The following DMXL2 variants were observed in gnomAD, a reference collection of about 807,000 sequenced individuals.
DMXL2 encodes dmX-like protein 2.
Under a neutral mutation model 331.1 loss-of-function variants are expected in DMXL2, and 103 were observed. The observed-to-expected ratio is 0.31, with a 90% CI of 0.27 to 0.37. DMXL2 has a LOEUF of 0.37. DMXL2 is among the 10% of genes least tolerant of loss of function. The probability of loss-of-function intolerance (pLI) is 1.00; values close to 1 mark genes in which losing one functional copy is unlikely to be tolerated. For synonymous variants in DMXL2, 1,281 were observed against 1,252.1 expected, an observed-to-expected ratio of 1.02 and a Z score of -0.49; for missense variants, 3,171 against 3,642.9, an observed-to-expected ratio of 0.87 and a Z score of 3.33.
intron 28 of DMXL2, among the ~76,000 whole-genome samples, chr15:51,473,295 G>T (rs1008836421): frequency 6.6e-6 from 1 of 152,150 alleles, no homozygotes; most frequent in African/African-American, 2.4e-5. Flanking sequence ...CCTGATAGGT[G>T]TTAAGTGAAT....
At chr15:51,575,591 C>T (rs1338119756) in intron 2 of DMXL2, among the ~76,000 whole-genome samples, 1 of 152,136 alleles carries the variant, frequency 6.6e-6, no homozygotes, top group Admixed American at 6.6e-5. Flanking sequence ...TAAGACTCTT[C>T]ACTCAACAAA....
rs767996375 is a variant in DMXL2, at chr15:51,448,818, G to A, written c.*166C>T. The A allele has an allele frequency of 3.5e-5, 23 of 662,884 alleles. No homozygotes were observed. The highest frequency in any genetic ancestry group is 4.1e-4 in the Middle Eastern group (1 of 2,450). 41.1% of individuals were successfully genotyped at this position (662,884 alleles called of 1,614,324 possible). On this transcript the variant is annotated 3_prime_UTR_variant, in exon 44 of 44. Transcript: ENST00000560891. ...TATGTCAGCATAATAAGGTACATGC[G>A]CATTCATTCCACCAACCTGTTTAGA... is the stretch of plus-strand genomic sequence containing the variant.
At chr15:51,510,489 C>T (rs1408187503) in intron 15 of DMXL2, among the ~76,000 whole-genome samples, 1 of 151,512 alleles carries the variant, frequency 6.6e-6, no homozygotes, top group Non-Finnish European at 1.5e-5. Flanking sequence ...AGGAATACAA[C>T]TTACAAGACC....
At chr15:51,552,418 C>T (rs1596230774) in intron 6 of DMXL2, among the ~76,000 whole-genome samples, 1 of 152,164 alleles carries the variant, frequency 6.6e-6, no homozygotes, top group Admixed American at 6.5e-5. Context: ...ACTTCAAAAA[C>T]CTTAGCTGCT....
At chr15:51,471,103 G>T in intron 29 of DMXL2, 120 bp downstream of exon 29, 1 of 901,504 alleles carries the variant, frequency 1.1e-6, no homozygotes, top group Non-Finnish European at 1.6e-6. Flanking sequence ...TAAATTAAAC[G>T]TCTAAACTAT....
chr15:51,459,553 T>C lies in DMXL2; in HGVS notation c.7989+45A>G, dbSNP rs540711561. On this transcript the variant is annotated intron_variant, in intron 34 of 43. Transcript: ENST00000560891. Reference sequence around the variant, plus strand: ...GTATCAGAGATGAGGCGTTAGCTCCTTGAACTTTAAAGAATGAGCTAAATA... The same window carrying C: ...GTATCAGAGATGAGGCGTTAGCTCCCTGAACTTTAAAGAATGAGCTAAATA... The C allele has an allele frequency of 5.8e-4, 744 of 1,286,140 alleles. 2 individuals carry two copies. Among genetic ancestry groups the C allele is most frequent in the Non-Finnish European group, 6.8e-4 (667 of 985,498 alleles). 79.7% of individuals were successfully genotyped at this position (1,286,140 alleles called of 1,614,324 possible).
At chr15:51,466,806 T>C (rs1451774196) in intron 29 of DMXL2, among the ~76,000 whole-genome samples, 1 of 152,064 alleles carries the variant, frequency 6.6e-6, no homozygotes, top group Admixed American at 6.5e-5. Flanking sequence ...TGTGAATTTC[T>C]CTTCCTGTTT....
rs1347202036 is a variant in DMXL2 at position 51,448,116 on chromosome 15, T to A, written c.*868A>T. On this transcript the variant is annotated 3_prime_UTR_variant, in exon 44 of 44. Transcript: ENST00000560891. Reference sequence around the variant, plus strand: ...AAATAATGTCACCAATCTCATCAACTATTAACTGGCCACAAGAAGCCTAAC... The same window carrying A: ...AAATAATGTCACCAATCTCATCAACAATTAACTGGCCACAAGAAGCCTAAC... The A allele has an allele frequency of 6.5e-6, 1 of 152,676 alleles. No homozygotes were observed. The highest frequency in any genetic ancestry group is 1.5e-5 in the Non-Finnish European group (1 of 68,046). The allele number at this position is 152,676 out of a possible 1,614,324, so 9.5% of individuals were successfully genotyped here.
chr15:51,470,144 C>CT (rs377267607), intron 29 of DMXL2, among the ~76,000 whole-genome samples: 69 of 151,354 alleles, frequency 4.6e-4, no homozygotes, highest in South Asian at 1.1e-3. Context: ...TAACCAAAGT[C>CT]TTTTTTTTTG....
intron 1 of DMXL2, among the ~76,000 whole-genome samples, chr15:51,610,641 G>A (rs946732187): frequency 1.5e-4 from 23 of 152,086 alleles, no homozygotes; most frequent in Non-Finnish European, 2.5e-4. Context: ...GGTGGCCGGT[G>A]CCTGTAGTCC....
At chr15:51,599,395 T>C (rs1277303114) in intron 1 of DMXL2, among the ~76,000 whole-genome samples, 2 of 152,194 alleles carry the variant, frequency 1.3e-5, no homozygotes, top group Non-Finnish European at 2.9e-5. Flanking sequence ...GGAAAACAAA[T>C]GTGTGTGTAT....
chr15:51,483,436 G>A (rs1170372287), intron 23 of DMXL2, among the ~76,000 whole-genome samples: 1 of 152,168 alleles, frequency 6.6e-6, no homozygotes, highest in African/African-American at 2.4e-5. Flanking sequence ...CTTTGGTCCT[G>A]CATGGCAGGG....
chr15:51,597,414 G>A (rs2052903136), intron 1 of DMXL2, among the ~76,000 whole-genome samples: 1 of 152,140 alleles, frequency 6.6e-6, no homozygotes, highest in African/African-American at 2.4e-5. Context: ...TGAACTTTAT[G>A]TAAATGGAAT....
intron 1 of DMXL2, 152 bp from the exon 2 acceptor site, chr15:51,576,333 A>G: frequency 1.7e-6 from 1 of 589,194 alleles, no homozygotes; most frequent in Non-Finnish European, 2.7e-6. Context: ...CAATTTCTAA[A>G]TAAGAACATT....
At chr15:51,522,428 TG>T (rs1294497347) in intron 13 of DMXL2, among the ~76,000 whole-genome samples, 1 of 152,192 alleles carries the variant, frequency 6.6e-6, no homozygotes, top group African/African-American at 2.4e-5. Flanking sequence ...CTGGCTCACT[TG>T]AGGTCAGCAG....
intron 1 of DMXL2, among the ~76,000 whole-genome samples, chr15:51,601,203 A>G (rs986262009): frequency 6.7e-6 from 1 of 149,142 alleles, no homozygotes; most frequent in Non-Finnish European, 1.5e-5. Context: ...AGGCAGGAGA[A>G]TGGCGTGAAC....
chr15:51,521,227 CT>C (rs1307180127), intron 13 of DMXL2, among the ~76,000 whole-genome samples: 1 of 152,088 alleles, frequency 6.6e-6, no homozygotes, highest in Non-Finnish European at 1.5e-5. Context: ...AATCCTGGTC[CT>C]ACCATTGCTA....
At chr15:51,578,418 T>C (rs568602314) in intron 1 of DMXL2, among the ~76,000 whole-genome samples, 19 of 152,190 alleles carry the variant, frequency 1.2e-4, no homozygotes, top group Non-Finnish European at 1.9e-4. Flanking sequence ...CTTTTTACTC[T>C]TCCCTAGATA....
intron 1 of DMXL2, among the ~76,000 whole-genome samples, chr15:51,621,279 A>C (rs1307343181): frequency 2.0e-5 from 3 of 152,224 alleles, no homozygotes; most frequent in African/African-American, 7.2e-5. Context: ...GTATCACAAA[A>C]CGTCAAAAAA....
Sources: gnomAD v4.1 joint callset for allele counts (sites outside exome capture counted in the v4.1 genomes callset) on GRCh38, gnomAD v4.1.1 for gene constraint, MANE v1.5 for transcripts, NCBI Gene and HGNC (gene_info 2026-07-23, HGNC 2026-07-21) for gene names.